Variants in ALMS1 observed in about 807,000 individuals in gnomAD.
ALMS1 encodes the protein centrosome-associated protein ALMS1.
ALMS1 carries 271 observed loss-of-function variants against 352.2 expected under a neutral mutation model. The ratio of observed to expected loss-of-function variants is 0.77; its 90% CI spans 0.70 to 0.85. ALMS1 has a LOEUF of 0.85. ALMS1 is among the 40% of genes least tolerant of loss of function. The probability of loss-of-function intolerance (pLI) is 0.00; values close to 1 mark genes in which losing one functional copy is unlikely to be tolerated. For missense variants in ALMS1, 5,445 were observed against 4,870.7 expected, an observed-to-expected ratio of 1.12 and a Z score of -3.51; for synonymous variants, 1,865 against 1,761.2, an observed-to-expected ratio of 1.06 and a Z score of -1.48.
intron 10 of ALMS1, among the ~76,000 whole-genome samples, chr2:73,501,995 T>C (rs1035382298): frequency 6.6e-6 from 1 of 152,152 alleles, no homozygotes; most frequent in African/African-American, 2.4e-5. Context: ...CTACTAAATA[T>C]ATTCCTAAGT....
intron 16 of ALMS1, among the ~76,000 whole-genome samples, chr2:73,587,636 C>G (rs1411301069): frequency 6.6e-6 from 1 of 152,114 alleles, no homozygotes; most frequent in Non-Finnish European, 1.5e-5. Flanking sequence ...CCCACTTGAC[C>G]ATGGTGGATT....
At chr2:73,540,650 A>G (rs1271698694) in intron 12 of ALMS1, among the ~76,000 whole-genome samples, 1 of 152,220 alleles carries the variant, frequency 6.6e-6, no homozygotes, top group East Asian at 1.9e-4. Flanking sequence ...AGAGTCACAC[A>G]TAGGCTCAAA....
At chr2:73,608,196 C>CT (rs1675855355) in intron 21 of ALMS1, among the ~76,000 whole-genome samples, 1 of 152,082 alleles carries the variant, frequency 6.6e-6, no homozygotes, top group Non-Finnish European at 1.5e-5. Context: ...TTCAGCTCTC[C>CT]TTCATTTATC....
At chr2:73,482,358 C>T (rs1572962277) in intron 9 of ALMS1, among the ~76,000 whole-genome samples, 2 of 152,262 alleles carry the variant, frequency 1.3e-5, no homozygotes, top group East Asian at 3.9e-4. Context: ...GTCTTTGGCT[C>T]TGTTTATATG....
rs2104103714 is a variant in ALMS1, at chr2:73,572,325, A to G, written c.10448A>G (p.Tyr3483Cys). ...TRSVFRSAKFYIHHPVHLPSD... is the reference protein window; with the variant it reads ...TRSVFRSAKFCIHHPVHLPSD... Reference sequence around the variant, plus strand: ...TCTGTCTTCAGGTCAGCAAAGTTTTACATTCATCATCCCGTACACCTACCA... The same window carrying G: ...TCTGTCTTCAGGTCAGCAAAGTTTTGCATTCATCATCCCGTACACCTACCA... The change falls in exon 16 of 23, where the codon TAC becomes TGC. Residue 3483 changes from tyrosine (Y) to cysteine (C), a missense_variant. By Grantham distance (194) the Tyr-to-Cys change is radical. Transcript: ENST00000613296. The G allele has an allele frequency of 1.9e-6, 3 of 1,605,740 alleles. No individual in the cohort carries two copies. Among genetic ancestry groups the G allele is most frequent in the African/African-American group, 1.3e-5 (1 of 74,528 alleles).
intron 16 of ALMS1, among the ~76,000 whole-genome samples, chr2:73,582,367 T>G (rs143449999): frequency 9.8e-5 from 15 of 152,344 alleles, no homozygotes; most frequent in African/African-American, 3.6e-4. Context: ...GGTGAATTTC[T>G]TGTGCGTGGT....
chr2:73,486,011 G>T (rs913958311), intron 9 of ALMS1, among the ~76,000 whole-genome samples: 2 of 152,010 alleles, frequency 1.3e-5, no homozygotes, highest in East Asian at 2.0e-4. Flanking sequence ...ACCTCAGATG[G>T]AAGTGCAGAA....
intron 10 of ALMS1, among the ~76,000 whole-genome samples, chr2:73,508,742 T>C (rs1673388587): frequency 6.6e-6 from 1 of 152,214 alleles, no homozygotes; most frequent in Non-Finnish European, 1.5e-5. Flanking sequence ...AATTCCTGAA[T>C]ATCCTTGAGC....
At chr2:73,537,903 G>A (rs1279577254) in intron 12 of ALMS1, among the ~76,000 whole-genome samples, 1 of 152,132 alleles carries the variant, frequency 6.6e-6, no homozygotes, top group Non-Finnish European at 1.5e-5. Context: ...CTACTCGGAA[G>A]GCTGAGGCAT....
At chr2:73,540,065 A>G (rs1472476587) in intron 12 of ALMS1, among the ~76,000 whole-genome samples, 1 of 152,190 alleles carries the variant, frequency 6.6e-6, no homozygotes, top group Non-Finnish European at 1.5e-5. Context: ...AAGACACATA[A>G]TTGTCAGATT....
At chr2:73,505,769 T>G (rs1673308180) in intron 10 of ALMS1, among the ~76,000 whole-genome samples, 1 of 152,216 alleles carries the variant, frequency 6.6e-6, no homozygotes, top group South Asian at 2.1e-4. Flanking sequence ...ATAGTTTCTT[T>G]TGCTGTGCAG....
At chr2:73,521,580 C>CA (rs565126393) in intron 11 of ALMS1, among the ~76,000 whole-genome samples, 1,387 of 94,852 alleles carry the variant, frequency 0.015, 31 homozygotes, top group Admixed American at 0.067. Flanking sequence ...ACTAAAAATA[C>CA]AAAAAAAAAA....
chr2:73,402,260 T>C (rs1457322549), intron 1 of ALMS1, among the ~76,000 whole-genome samples: 7 of 149,562 alleles, frequency 4.7e-5, no homozygotes, highest in African/African-American at 1.7e-4. Flanking sequence ...TTTTCTTTCT[T>C]TCTCTCTCTC....
chr2:73,473,475 T>G (rs1333193156), intron 9 of ALMS1, among the ~76,000 whole-genome samples: 1 of 152,102 alleles, frequency 6.6e-6, no homozygotes, highest in East Asian at 1.9e-4. Flanking sequence ...GTTGTCACTT[T>G]ATAATATTCA....
chr2:73,479,590 G>C (rs1250471483), intron 9 of ALMS1, among the ~76,000 whole-genome samples: 2 of 152,122 alleles, frequency 1.3e-5, no homozygotes, highest in East Asian at 3.8e-4. Context: ...GTATTCCAAA[G>C]TATGAATGCA....
At position 73,449,154 on chromosome 2, in the gene ALMS1, C is replaced by T; in HGVS notation, c.2627C>T (p.Pro876Leu). 5 of 1,614,002 alleles carry T rather than the reference C, an allele frequency of 3.1e-6. No individual in the cohort carries two copies. Among genetic ancestry groups the T allele is most frequent in the Non-Finnish European group, 4.2e-6 (5 of 1,179,948 alleles). ...AGTGCTTTCTATCAGCAGACCTTAC[C>T]CAATAGTCATCTAACTGAAGAGGCT... ...KPSAFYQQTLPNSHLTEEALK... is the reference protein window; with the variant it reads ...KPSAFYQQTLLNSHLTEEALK... The change falls in exon 8 of 23, where the codon CCC becomes CTC. Residue 876 changes from proline (P) to leucine (L), a missense_variant. Pro to Leu is a moderately conservative substitution (Grantham distance 98). Transcript: ENST00000613296.
intron 8 of ALMS1, 25 bp from the exon 9 acceptor site, chr2:73,455,137 T>C: frequency 6.2e-7 from 1 of 1,612,026 alleles, no homozygotes. Context: ...CATTGTATTA[T>C]CTCAAGTGTA....
intron 1 of ALMS1, among the ~76,000 whole-genome samples, chr2:73,403,461 G>A (rs1409620102): frequency 6.6e-6 from 1 of 152,156 alleles, no homozygotes; most frequent in African/African-American, 2.4e-5. Context: ...AAACCAGGAA[G>A]TGTGCTTCCT....
chr2:73,579,989 C>G lies in ALMS1; in HGVS notation c.11547+6565C>G, dbSNP rs916581940. Among the ~76,000 whole-genome samples, 6 of 152,188 alleles carry G rather than the reference C, an allele frequency of 3.9e-5. No homozygotes were observed. In the South Asian group the frequency reaches 8.3e-4, roughly 21 times the overall value. On this transcript the variant is annotated intron_variant, in intron 16 of 22. Transcript: ENST00000613296. ...CCTTCTGCCCCTTTCTTTCTCTCTT[C>G]TTTTGGGATTCCTAATATGCATCTG...
Sources: gnomAD v4.1 joint callset for allele counts (sites outside exome capture counted in the v4.1 genomes callset) on GRCh38, gnomAD v4.1.1 for gene constraint, MANE v1.5 for transcripts, NCBI Gene and HGNC (gene_info 2026-07-23, HGNC 2026-07-21) for gene names.